EPHB6: variants seen among roughly 807,000 people sequenced by gnomAD.
EPHB6 encodes ephrin type-B receptor 6.
In EPHB6, 51 loss-of-function variants were observed where a neutral mutation model predicts 107.0. The observed-to-expected ratio is 0.48, with a 90% CI of 0.38 to 0.60. The LOEUF is 0.60. EPHB6 is among the 20% of genes least tolerant of loss of function. The pLI is 0.00. For missense variants in EPHB6, 1,141 were observed against 1,355.5 expected (o/e 0.84, Z 2.48); for synonymous variants, 553 against 549.0 (o/e 1.01, Z -0.10).
chr7:142,859,005 C>T (rs1272385209), intron 1 of EPHB6, among the ~76,000 whole-genome samples: 1 of 152,162 alleles, frequency 6.6e-6, no homozygotes, highest in African/African-American at 2.4e-5. Flanking sequence ...TTTTCTCCAC[C>T]ATTGTTTTAT....
At chr7:142,859,004 C>G (rs1228930563) in intron 1 of EPHB6, among the ~76,000 whole-genome samples, 1 of 152,168 alleles carries the variant, frequency 6.6e-6, no homozygotes, top group Non-Finnish European at 1.5e-5. Context: ...GTTTTCTCCA[C>G]CATTGTTTTA....
chr7:142,869,217 G>A lies in EPHB6; in HGVS notation c.2460+70G>A, dbSNP rs1015561231. The stretch of plus-strand genomic sequence containing the variant: ...GCCCCAGCAGGTGCTGGGGTCGGGG[G>A]TGAGCTGGAATCTGGGGTAGGTACC... On this transcript the variant is annotated intron_variant, in intron 16 of 19. Transcript: ENST00000652003. This position sits in a 1 kb window ranked among gnomAD's most constrained non-coding sequence, Gnocchi z 4.5. The A allele has an allele frequency of 2.6e-6, 4 of 1,567,514 alleles. No individual in the cohort carries two copies. Among genetic ancestry groups the A allele is most frequent in the Non-Finnish European group, 3.5e-6 (4 of 1,148,978 alleles).
chr7:142,855,645 T>G lies in EPHB6; in HGVS notation c.-432+260T>G, dbSNP rs1802568787. ...ACCCTTGCTGTTAGGATCCCCCAGTTGCGTTCCCAGACATTCTCCTCTGGC... is the reference window on the plus strand; with the variant it reads ...ACCCTTGCTGTTAGGATCCCCCAGTGGCGTTCCCAGACATTCTCCTCTGGC... On this transcript the variant is annotated intron_variant, in intron 1 of 19. Transcript: ENST00000652003. The surrounding 1 kb of genome is among the most constrained non-coding windows in gnomAD (Gnocchi z 4.2). 1.3e-5 allele frequency among the ~76,000 whole-genome samples: 2 copies of G among 152,126 alleles called. No individual in the cohort carries two copies. Among genetic ancestry groups the G allele is most frequent in the Non-Finnish European group, 2.9e-5 (2 of 68,008 alleles).
chr7:142,865,349 T>G (rs964481638), intron 7 of EPHB6, 126 bp from the exon 8 acceptor site: 1 of 1,269,844 alleles, frequency 7.9e-7, no homozygotes, highest in Non-Finnish European at 1.1e-6. Context: ...GGTTCAGTCT[T>G]GGAAGAAAAG....
intron 6 of EPHB6, 119 bp downstream of exon 6, chr7:142,863,814 C>T: frequency 2.0e-6 from 3 of 1,480,192 alleles, no homozygotes; most frequent in Non-Finnish European, 9.4e-7. Context: ...ATCCCTCCCT[C>T]TAGAGCACCA....
rs1328274031 is a variant in EPHB6 at position 142,868,541 on chromosome 7, G to A, written c.2088G>A (p.Arg696=). 6.2e-7 allele frequency: 1 copy of A among 1,613,726 alleles called. No individual in the cohort carries two copies. Among genetic ancestry groups the A allele is most frequent in the South Asian group, 1.1e-5 (1 of 91,084 alleles). ...GCCGCCTGCAGCCACGGGGACGGAG[G>A]GAGCAGACTGTGGCCATCCAGGCCC... ...RQGRLQPRGR[R]EQTVAIQALW... Residue 696 remains arginine, a synonymous_variant, in exon 15 of 20, where the codon AGG becomes AGA. Transcript: ENST00000652003. The surrounding 1 kb of genome is among the most constrained non-coding windows in gnomAD (Gnocchi z 4.2).
chr7:142,864,889 C>G, intron 7 of EPHB6, 140 bp downstream of exon 7: 1 of 1,088,086 alleles, frequency 9.2e-7, no homozygotes, highest in Non-Finnish European at 1.4e-6. Flanking sequence ...CCTGATTTTC[C>G]CTAATTTTAT....
chr7:142,869,758 C>G lies in EPHB6; in HGVS notation c.2461-59C>G. 1 of 1,593,782 alleles carries G rather than the reference C, an allele frequency of 6.3e-7. No individual in the cohort carries two copies. The highest frequency in any genetic ancestry group is 1.1e-5 in the South Asian group (1 of 89,146). On this transcript the variant is annotated intron_variant, in intron 16 of 19. Coordinates refer to ENST00000652003, the MANE Select transcript of EPHB6 (RefSeq NM_004445.6). The surrounding 1 kb of genome is among the most constrained non-coding windows in gnomAD (Gnocchi z 4.5). Reference sequence around the variant, plus strand: ...GGCATATCTGAGCACATAGTAGTTGCTCAATAAACGTGACTATTACTATGA... The same window carrying G: ...GGCATATCTGAGCACATAGTAGTTGGTCAATAAACGTGACTATTACTATGA...
chr7:142,867,971 TC>T lies in EPHB6; in HGVS notation c.1866-22del. ...CAAGGGGGTGGAAATGGGAGCGTCA[TC>T]CCCAGTCACCGTTTTGTTCCTCAGG... On this transcript the variant is annotated intron_variant, in intron 12 of 19. Transcript: ENST00000652003. The surrounding 1 kb of genome is among the most constrained non-coding windows in gnomAD (Gnocchi z 5.3). 1 of 1,560,264 alleles carries T rather than the reference TC, an allele frequency of 6.4e-7. No homozygotes were observed. The highest frequency in any genetic ancestry group is 1.4e-5 in the African/African-American group (1 of 73,522).
In EPHB6 at chr7:142,855,316, T is replaced by G. The variant is rs1347629027; in HGVS notation, c.-501T>G. On this transcript the variant is annotated 5_prime_UTR_variant, in exon 1 of 20. Coordinates refer to ENST00000652003, the MANE Select transcript of EPHB6 (RefSeq NM_004445.6). This position sits in a 1 kb window ranked among gnomAD's most constrained non-coding sequence, Gnocchi z 4.2. ...AAGACGCGGGTGGCACCGTGCGAGCTCCAGGAGCCCCGGGTCCACTGCGAG... is the reference window on the plus strand; with the variant it reads ...AAGACGCGGGTGGCACCGTGCGAGCGCCAGGAGCCCCGGGTCCACTGCGAG... The G allele has an allele frequency of 6.6e-6, 1 of 151,784 alleles. No homozygotes were observed. Among genetic ancestry groups the G allele is most frequent in the Non-Finnish European group, 1.5e-5 (1 of 67,982 alleles). The allele number at this position is 151,784 out of a possible 1,614,324, so 9.4% of individuals were successfully genotyped here. A position where few individuals can be genotyped will look rare whatever the true frequency, so the allele number is the denominator to read the frequency against.
Position 142,870,841 on chromosome 7 carries a change from G to C in EPHB6, c.3006G>C (p.Lys1002Asn), listed in dbSNP as rs772081985. The stretch of plus-strand genomic sequence containing the variant: ...TCACCCTGGCTGGCCACCAGAAGAA[G>C]CTGCTGCACCACATCCAGCTCCTTC... ...LGITLAGHQK[K>N]LLHHIQLLQQ... Residue 1002 changes from lysine to asparagine, a missense_variant, in exon 20 of 20, where the codon AAG becomes AAC. This residue lies in a region of EPHB6 where 616 missense variants were observed against 759.3 expected (regional missense o/e 0.81). Coordinates refer to ENST00000652003, the MANE Select transcript of EPHB6 (RefSeq NM_004445.6). 1 of 1,614,132 alleles carries C rather than the reference G, an allele frequency of 6.2e-7. No homozygotes were observed. Among genetic ancestry groups the C allele is most frequent in the Non-Finnish European group, 8.5e-7 (1 of 1,179,994 alleles).
At chr7:142,856,811 C>T (rs914786579) in intron 1 of EPHB6, among the ~76,000 whole-genome samples, 7 of 152,148 alleles carry the variant, frequency 4.6e-5, no homozygotes, top group African/African-American at 9.7e-5. Flanking sequence ...GGAACCACTC[C>T]GGAACCAGCA....
chr7:142,865,545 C>T lies in EPHB6; in HGVS notation c.1020C>T (p.His340=), dbSNP rs8177174. 8,391 of 1,613,574 alleles carry T rather than the reference C, an allele frequency of 5.2e-3. 315 individuals carry two copies. The Admixed American group carries it at 0.073, about 14-fold the overall frequency. Reference sequence around the variant, plus strand: ...GCTCACCATGCCCTGCCCGCAGTCACGCTCCCAACCCAGCAGCCCCCGTTT... The same window carrying T: ...GCTCACCATGCCCTGCCCGCAGTCATGCTCCCAACCCAGCAGCCCCCGTTT... ...APCSPCPARS[H]APNPAAPVCP... Residue 340 remains histidine (H), a synonymous_variant, in exon 8 of 20, where the codon CAC becomes CAT. Coordinates refer to ENST00000652003, the MANE Select transcript of EPHB6 (RefSeq NM_004445.6).
Position 142,870,299 on chromosome 7 carries a change from G to A in EPHB6, c.2696G>A (p.Trp899Ter). 1 of 1,614,224 alleles carries A rather than the reference G, an allele frequency of 6.2e-7. No individual in the cohort carries two copies. The highest frequency in any genetic ancestry group is 8.5e-7 in the Non-Finnish European group (1 of 1,180,042). ...PGLHLLMLDTWQKDRARRPHF... is the reference protein window; with the variant it reads ...PGLHLLMLDT ...TTACATCTACTTATGTTGGACACTT[G>A]GCAGAAGGACCGTGCCCGGCGGCCT... The change falls in exon 18 of 20, where the codon TGG becomes TAG. Residue 899 changes from tryptophan to a stop codon, truncating the protein, a stop_gained. Coordinates refer to ENST00000652003, the MANE Select transcript of EPHB6 (RefSeq NM_004445.6). LOFTEE classifies it high-confidence loss of function.
Position 142,870,533 on chromosome 7 carries a change from T to C in EPHB6, c.2808T>C (p.Pro936=), listed in dbSNP as rs1460325959. Residue 936 remains proline (P), a synonymous_variant, in exon 19 of 20, where the codon CCT becomes CCC. Coordinates refer to ENST00000652003, the MANE Select transcript of EPHB6 (RefSeq NM_004445.6). The part of the protein sequence containing the change: ...LQAGGDPGER[P]SQALLTPVAL... ...CTGCTTGCCCCTCCCCTCTTAGGCC[T>C]TCCCAGGCCCTTCTGACCCCTGTGG... 1.2e-6 allele frequency: 2 copies of C among 1,614,224 alleles called. No individual in the cohort carries two copies. The highest frequency in any genetic ancestry group is 3.3e-5 in the Admixed American group (2 of 60,034).
At chr7:142,856,719 A>C (rs1012118499) in intron 1 of EPHB6, among the ~76,000 whole-genome samples, 5 of 152,120 alleles carry the variant, frequency 3.3e-5, no homozygotes, top group South Asian at 2.1e-4. Context: ...GTGTTTCTGC[A>C]GAAGTACCTC....
rs1803066205 is a variant in EPHB6 at position 142,864,811 on chromosome 7, CCT to C, written c.949+67_949+68del. ...CCCACCCACCCCCAGCCTTTGGGCT[CCT>C]CTCTGAACACCCCAAAATTCATTTT... On this transcript the variant is annotated intron_variant, in intron 7 of 19. Transcript: ENST00000652003. The C allele has an allele frequency of 1.9e-6, 3 of 1,588,238 alleles. No homozygotes were observed. In the Admixed American group the frequency reaches 5.0e-5, roughly 27 times the overall value.
In EPHB6 at chr7:142,867,726, A is replaced by T. The variant is rs372359895; in HGVS notation, c.1865+4A>T. ...TGCTGGCGGTCGTCTTCCAGCGGTG[A>T]GTCCCCACCCCTGCCCAACTCTGCC... On this transcript the variant is annotated splice_donor_region_variant and intron_variant, in intron 12 of 19. Transcript: ENST00000652003. This position sits in a 1 kb window ranked among gnomAD's most constrained non-coding sequence, Gnocchi z 5.3. The T allele has an allele frequency of 6.2e-7, 1 of 1,607,670 alleles. No individual in the cohort carries two copies. Among genetic ancestry groups the T allele is most frequent in the African/African-American group, 1.3e-5 (1 of 74,826 alleles).
rs1301573544 is a variant in EPHB6 at position 142,861,061 on chromosome 7, G to T, written c.-422G>T. The T allele has an allele frequency of 6.6e-6, 1 of 151,948 alleles. No homozygotes were observed. Among genetic ancestry groups the T allele is most frequent in the Admixed American group, 6.6e-5 (1 of 15,256 alleles). 9.4% of individuals were successfully genotyped at this position (151,948 alleles called of 1,614,324 possible). Reference sequence around the variant, plus strand: ...TTTTTTTTCTTCACAGAAATAAAGGGATTATAGTCCACCCAATTCACAGAC... The same window carrying T: ...TTTTTTTTCTTCACAGAAATAAAGGTATTATAGTCCACCCAATTCACAGAC... On this transcript the variant is annotated 5_prime_UTR_variant, in exon 2 of 20. Transcript: ENST00000652003.
Sources: allele counts gnomAD v4.1 joint callset (sites outside exome capture counted in the v4.1 genomes callset), GRCh38; gene constraint gnomAD v4.1.1; regional missense constraint gnomAD v4.1.1; non-coding constraint Gnocchi (gnomAD v3.1); transcripts MANE v1.5; gene names NCBI Gene and HGNC (gene_info 2026-07-23, HGNC 2026-07-21).